Variants in CNTLN observed in about 807,000 individuals in gnomAD.
The protein encoded by CNTLN is centlein, centrosomal protein.
Under a neutral mutation model 180.0 loss-of-function variants are expected in CNTLN, and 212 were observed. That is an observed-to-expected ratio of 1.18 (90% CI 1.05 to 1.32). The LOEUF (loss-of-function observed/expected upper bound fraction) is 1.32, where lower values mean the gene tolerates loss of function less well. Ranked by LOEUF, CNTLN falls within the 40% of genes most tolerant of loss-of-function variation. The probability of loss-of-function intolerance (pLI) is 0.00; values close to 1 mark genes in which losing one functional copy is unlikely to be tolerated. For missense variants in CNTLN, 2,095 were observed against 1,610.9 expected, an observed-to-expected ratio of 1.30 and a Z score of -5.14; for synonymous variants, 722 against 563.1, an observed-to-expected ratio of 1.28 and a Z score of -3.99.
At chr9:17,308,978 A>G in intron 7 of CNTLN, 80 bp from the exon 8 acceptor site, 1 of 886,780 alleles carries the variant, frequency 1.1e-6, no homozygotes, top group Non-Finnish European at 1.7e-6. Flanking sequence ...ATATGTATAT[A>G]TACACACACA....
At chr9:17,399,055 T>C (rs11999404) in intron 15 of CNTLN, among the ~76,000 whole-genome samples, 5,112 of 152,276 alleles carry the variant, frequency 0.034, 294 homozygotes, top group African/African-American at 0.12. Flanking sequence ...TAGTTTTCCA[T>C]ATATTTGCCT....
At chr9:17,498,142 T>C (rs534305125) in intron 25 of CNTLN, among the ~76,000 whole-genome samples, 4 of 152,328 alleles carry the variant, frequency 2.6e-5, no homozygotes, top group South Asian at 2.1e-4. Context: ...AATTTTGTCC[T>C]TTATACTTAA....
intron 2 of CNTLN, among the ~76,000 whole-genome samples, chr9:17,165,562 A>G (rs1820012604): frequency 6.6e-6 from 1 of 151,976 alleles, no homozygotes; most frequent in Non-Finnish European, 1.5e-5. Context: ...AAATGGGAAA[A>G]TTGAATTAAA....
chr9:17,412,054 G>A (rs1346727500), intron 16 of CNTLN, among the ~76,000 whole-genome samples: 1 of 150,022 alleles, frequency 6.7e-6, no homozygotes, highest in Non-Finnish European at 1.5e-5. Context: ...GAAGCCCAGT[G>A]GGGAACATTA....
intron 8 of CNTLN, among the ~76,000 whole-genome samples, chr9:17,323,581 A>C (rs142071429): frequency 7.2e-5 from 11 of 152,336 alleles, no homozygotes; most frequent in African/African-American, 2.6e-4. Context: ...TCTGCTGGCT[A>C]GAAATGAGGG....
At chr9:17,146,672 C>T (rs933495995) in intron 2 of CNTLN, among the ~76,000 whole-genome samples, 2 of 152,146 alleles carry the variant, frequency 1.3e-5, no homozygotes, top group African/African-American at 2.4e-5. Context: ...GTGAGCAATA[C>T]ATTTCTGTTG....
At chr9:17,291,712 A>G (rs986253116) in intron 6 of CNTLN, among the ~76,000 whole-genome samples, 6 of 151,934 alleles carry the variant, frequency 3.9e-5, no homozygotes, top group African/African-American at 1.5e-4. Context: ...TGCATGTGAG[A>G]TGGGTCTCTT....
rs181327085 is a variant in CNTLN, at chr9:17,196,903, T to G, written c.450-29300T>G. Among the ~76,000 whole-genome samples the G allele has an allele frequency of 3.3e-5, 5 of 152,216 alleles. No homozygotes were observed. The East Asian group carries it at 9.7e-4, about 29-fold the overall frequency. On this transcript the variant is annotated intron_variant, in intron 2 of 25. Coordinates refer to ENST00000380647, the MANE Select transcript of CNTLN (RefSeq NM_017738.4). ...TAGTTATTTTAAAGTGTACAATAAA[T>G]TATTGTTTAGTCACCCTGTTGTGTT...
At chr9:17,148,603 T>C (rs1818619483) in intron 2 of CNTLN, among the ~76,000 whole-genome samples, 2 of 152,198 alleles carry the variant, frequency 1.3e-5, no homozygotes, top group South Asian at 4.1e-4. Context: ...TGATGATCAT[T>C]TGAAGGACTG....
chr9:17,364,640 A>C (rs1823660975), intron 12 of CNTLN, among the ~76,000 whole-genome samples: 4 of 152,136 alleles, frequency 2.6e-5, no homozygotes, highest in Admixed American at 2.6e-4. Flanking sequence ...TGGGATATTT[A>C]GACTGTCATT....
intron 18 of CNTLN, among the ~76,000 whole-genome samples, chr9:17,451,633 C>T (rs1414355753): frequency 6.6e-6 from 1 of 152,102 alleles, no homozygotes; most frequent in Admixed American, 6.5e-5. Flanking sequence ...CAATATTGAG[C>T]GTCTCACCGT....
At chr9:17,293,816 C>T (rs993930814) in intron 6 of CNTLN, among the ~76,000 whole-genome samples, 54 of 152,174 alleles carry the variant, frequency 3.5e-4, no homozygotes, top group Middle Eastern at 3.4e-3. Flanking sequence ...AAGAGGCTGC[C>T]GAGAATCTGG....
intron 12 of CNTLN, among the ~76,000 whole-genome samples, chr9:17,359,368 T>C (rs946203259): frequency 1.3e-5 from 2 of 152,010 alleles, no homozygotes; most frequent in African/African-American, 4.8e-5. Flanking sequence ...GAAAAATTGA[T>C]AAATTGGCCT....
intron 18 of CNTLN, among the ~76,000 whole-genome samples, chr9:17,436,409 C>G (rs1391488188): frequency 2.0e-5 from 3 of 152,110 alleles, no homozygotes; most frequent in African/African-American, 7.2e-5. Context: ...TTACATTAAC[C>G]AAATAATCTT....
intron 2 of CNTLN, among the ~76,000 whole-genome samples, chr9:17,168,810 A>AT (rs1273489821): frequency 6.6e-6 from 1 of 152,040 alleles, no homozygotes; most frequent in African/African-American, 2.4e-5. Context: ...TTGAATAAGG[A>AT]TTATGAATAA....
chr9:17,179,616 G>A (rs1014889943), intron 2 of CNTLN, among the ~76,000 whole-genome samples: 3 of 152,120 alleles, frequency 2.0e-5, no homozygotes, highest in East Asian at 1.9e-4. Flanking sequence ...AAATCTATGG[G>A]CATTTGAAAA....
intron 2 of CNTLN, among the ~76,000 whole-genome samples, chr9:17,149,786 G>C (rs1054308292): frequency 1.3e-5 from 2 of 151,850 alleles, no homozygotes; most frequent in African/African-American, 4.8e-5. Context: ...CAAAGCGCTG[G>C]GATTACAGGC....
chr9:17,506,180 A>G (rs2134443813), downstream of CNTLN, among the ~76,000 whole-genome samples: 1 of 152,256 alleles, frequency 6.6e-6, no homozygotes, highest in Non-Finnish European at 1.5e-5. Context: ...GTAGAATATA[A>G]CATGAGAGAA....
chr9:17,268,101 G>C (rs1472964324), intron 5 of CNTLN, among the ~76,000 whole-genome samples: 1 of 152,180 alleles, frequency 6.6e-6, no homozygotes, highest in Non-Finnish European at 1.5e-5. Flanking sequence ...CTTTGGAGGA[G>C]GAGAGGTGCT....
Sources: gnomAD v4.1 joint callset for allele counts (sites outside exome capture counted in the v4.1 genomes callset) on GRCh38, gnomAD v4.1.1 for gene constraint, MANE v1.5 for transcripts, NCBI Gene and HGNC (gene_info 2026-07-23, HGNC 2026-07-21) for gene names.